AGBL3: variants seen among roughly 807,000 people sequenced by gnomAD.
AGBL3 encodes cytosolic carboxypeptidase 3.
A neutral mutation model predicts 94.5 loss-of-function variants in AGBL3; 68 were observed. That is an observed-to-expected ratio of 0.72 (90% CI 0.59 to 0.88). The LOEUF (loss-of-function observed/expected upper bound fraction) is 0.88. Among genes scored for constraint, AGBL3 ranks in the 40% least tolerant of loss-of-function variants. AGBL3 has a pLI of 0.00. For missense variants in AGBL3, 934 were observed against 1,103.8 expected (o/e 0.85, Z 2.18); for synonymous variants, 354 against 370.7 (o/e 0.95, Z 0.52).
At chr7:135,096,566 T>TAGATAGATAGATAGATAGAC (rs1822789217) in intron 15 of AGBL3, among the ~76,000 whole-genome samples, 1 of 27,222 alleles carries the variant, frequency 3.7e-5, no homozygotes, top group African/African-American at 1.2e-4. Flanking sequence ...GAAAGATAGA[T>TAGATAGATAGATAGATAGAC]AGATAGATAG....
chr7:134,996,038 G>A (rs1810967901), intron 4 of AGBL3, among the ~76,000 whole-genome samples: 1 of 152,258 alleles, frequency 6.6e-6, no homozygotes, highest in East Asian at 1.9e-4. Context: ...TTTGTCACTT[G>A]ACTATTGCAA....
intron 16 of AGBL3, among the ~76,000 whole-genome samples, chr7:135,124,107 TA>T (rs1827519455): frequency 6.6e-6 from 1 of 151,760 alleles, no homozygotes; most frequent in South Asian, 2.1e-4. Context: ...GCAAATTGGA[TA>T]AAGAGTCAAG....
At chr7:135,005,838 A>C (rs1233850513) in intron 4 of AGBL3, among the ~76,000 whole-genome samples, 1 of 151,858 alleles carries the variant, frequency 6.6e-6, no homozygotes, top group Non-Finnish European at 1.5e-5. Flanking sequence ...TAATGGAAGA[A>C]AGTTTGCATT....
In AGBL3 at chr7:135,048,461, A is replaced by C. The variant is rs561516604; in HGVS notation, c.1841+2550A>C. Among the ~76,000 whole-genome samples, 19 of 151,972 alleles carry C rather than the reference A, an allele frequency of 1.3e-4. No individual in the cohort carries two copies. In the Middle Eastern group the frequency reaches 0.01, roughly 82 times the overall value. The stretch of plus-strand genomic sequence containing the variant: ...TTAGAGTAGTATAGGCATTTTAACA[A>C]TATTAAGTCTTCTGATCCACCAACA... On this transcript the variant is annotated intron_variant, in intron 11 of 16. Transcript: ENST00000436302.
At position 135,037,541 on chromosome 7, in the gene AGBL3, A is replaced by T; in HGVS notation, c.1461A>T (p.Arg487=). The T allele has an allele frequency of 6.5e-7, 1 of 1,544,676 alleles. No individual in the cohort carries two copies. The change falls in exon 8 of 17, where the codon CGA becomes CGT. Residue 487 remains arginine, a synonymous_variant. Coordinates refer to ENST00000436302, the MANE Select transcript of AGBL3 (RefSeq NM_178563.4). ...DRSKTLYLQQ[R]IFPLMLSKNC... ...CTAAGACATTATACTTACAGCAACG[A>T]ATCTTCCCACTTATGCTAAGCAAAA...
intron 13 of AGBL3, among the ~76,000 whole-genome samples, chr7:135,079,274 CTT>C (rs1288828289): frequency 6.6e-6 from 1 of 152,148 alleles, no homozygotes; most frequent in Admixed American, 6.5e-5. Context: ...AATATCACTA[CTT>C]TTAAATTTGT....
intron 11 of AGBL3, among the ~76,000 whole-genome samples, chr7:135,053,685 T>A (rs1300269697): frequency 6.6e-6 from 1 of 152,172 alleles, no homozygotes; most frequent in Non-Finnish European, 1.5e-5. Flanking sequence ...TGGGACTTAA[T>A]AAAATAATTC....
intron 15 of AGBL3, among the ~76,000 whole-genome samples, chr7:135,113,297 A>G (rs908134674): frequency 6.6e-6 from 1 of 152,220 alleles, no homozygotes; most frequent in Non-Finnish European, 1.5e-5. Flanking sequence ...AACATAAACA[A>G]AAGTAGAAAT....
At chr7:135,119,375 A>C (rs372047906) in intron 16 of AGBL3, among the ~76,000 whole-genome samples, 8 of 102,728 alleles carry the variant, frequency 7.8e-5, no homozygotes, top group African/African-American at 2.3e-4. Flanking sequence ...GGTTATAGGC[A>C]CCCACCACCA....
chr7:135,060,138 C>T (rs892709861), intron 12 of AGBL3, among the ~76,000 whole-genome samples: 24 of 152,186 alleles, frequency 1.6e-4, no homozygotes, highest in African/African-American at 5.8e-4. Context: ...AATAGTCTAC[C>T]TCAAAACCTC....
chr7:135,016,984 A>T, intron 4 of AGBL3, 68 bp from the exon 5 acceptor site: 3 of 1,007,932 alleles, frequency 3.0e-6, no homozygotes, highest in Middle Eastern at 2.0e-4. Flanking sequence ...TAATTTGAAA[A>T]TATGCAATAA....
chr7:135,047,981 A>C (rs982871241), intron 11 of AGBL3, among the ~76,000 whole-genome samples: 2 of 151,832 alleles, frequency 1.3e-5, no homozygotes, highest in African/African-American at 4.8e-5. Context: ...CATTTCTGGA[A>C]GTTTTATAGT....
chr7:134,995,289 A>T (rs1022093611), intron 4 of AGBL3: 3 of 152,280 alleles, frequency 2.0e-5, no homozygotes, highest in African/African-American at 7.2e-5. Flanking sequence ...ACTGCTTCTC[A>T]GTGTCACTTC....
chr7:135,128,691 C>A (rs1270033329), intron 16 of AGBL3: 1 of 1,318,464 alleles, frequency 7.6e-7, no homozygotes. Context: ...TATTGTCTCT[C>A]CTTTTGAGCT....
chr7:135,115,208 T>C (rs974390346), intron 15 of AGBL3, among the ~76,000 whole-genome samples, 172 bp from the exon 16 acceptor site: 1 of 152,192 alleles, frequency 6.6e-6, no homozygotes, highest in African/African-American at 2.4e-5. Flanking sequence ...AACTTTATCA[T>C]TATCTAACAT....
At position 135,135,371 on chromosome 7, in the gene AGBL3, A is replaced by C. The variant is rs1043614632; in HGVS notation, c.*110A>C. On this transcript the variant is annotated 3_prime_UTR_variant, in exon 17 of 17. Transcript: ENST00000436302. Reference sequence around the variant, plus strand: ...TTCCCCTTTCCCTATCTCTCCCCTTACACATGCATATGCATAAACTAAAAA... The same window carrying C: ...TTCCCCTTTCCCTATCTCTCCCCTTCCACATGCATATGCATAAACTAAAAA... 6 of 982,846 alleles carry C rather than the reference A, an allele frequency of 6.1e-6. No homozygotes were observed. The South Asian group carries it at 1.1e-4, about 19-fold the overall frequency. The allele number at this position is 982,846 out of a possible 1,614,324, so 60.9% of individuals were successfully genotyped here. A position where few individuals can be genotyped will look rare whatever the true frequency, so the allele number is the denominator to read the frequency against.
chr7:135,078,933 A>G (rs780775471), intron 13 of AGBL3, among the ~76,000 whole-genome samples: 6 of 152,232 alleles, frequency 3.9e-5, no homozygotes, highest in Admixed American at 6.5e-5. Context: ...GCTTATAAGA[A>G]GACATCAATA....
At chr7:135,128,090 G>A (rs1318365845) in intron 16 of AGBL3, among the ~76,000 whole-genome samples, 1 of 151,976 alleles carries the variant, frequency 6.6e-6, no homozygotes, top group African/African-American at 2.4e-5. Flanking sequence ...TCAGGAGTTT[G>A]AGACCAGCCT....
At chr7:135,005,413 A>C (rs919511215) in intron 4 of AGBL3, among the ~76,000 whole-genome samples, 2 of 151,784 alleles carry the variant, frequency 1.3e-5, no homozygotes, top group Non-Finnish European at 3.0e-5. Context: ...AACATGTATA[A>C]GACTTGCATT....
Sources: gnomAD v4.1 joint callset for allele counts (sites outside exome capture counted in the v4.1 genomes callset) on GRCh38, gnomAD v4.1.1 for gene constraint, MANE v1.5 for transcripts, NCBI Gene and HGNC (gene_info 2026-07-23, HGNC 2026-07-21) for gene names.